Variants in EXOC4 observed in about 807,000 individuals in gnomAD.
EXOC4 encodes SEC8-like 1.
In EXOC4, 71 loss-of-function variants were observed where a neutral mutation model predicts 107.2. The observed-to-expected ratio is 0.66, with a 90% confidence interval of 0.55 to 0.81. The LOEUF is 0.81. Among genes scored for constraint, EXOC4 ranks in the 30% least tolerant of loss-of-function variants. EXOC4 has a pLI of 0.00. For synonymous variants in EXOC4, 456 were observed against 441.2 expected (o/e 1.03, Z -0.42); for missense variants, 1,108 against 1,189.6 (o/e 0.93, Z 1.01).
In EXOC4 at chr7:133,741,627, T is replaced by G. The variant is rs535222639; in HGVS notation, c.1515-75698T>G. Among the ~76,000 whole-genome samples, 12 of 152,326 alleles carry G rather than the reference T, an allele frequency of 7.9e-5. No individual in the cohort carries two copies. In the South Asian group the frequency reaches 2.5e-3, roughly 32 times the overall value. On this transcript the variant is annotated intron_variant, in intron 10 of 17. Coordinates refer to ENST00000253861, the MANE Select transcript of EXOC4 (RefSeq NM_021807.4). ...CCTGAACTTCTGAAACATTGAGTGC[T>G]CTAATTGAACTATGTGCACAGTACG...
At chr7:133,632,243 T>C (rs1379537572) in intron 10 of EXOC4, among the ~76,000 whole-genome samples, 2 of 152,176 alleles carry the variant, frequency 1.3e-5, no homozygotes, top group Non-Finnish European at 2.9e-5. Flanking sequence ...ATACTCCCAG[T>C]GGTTTTACTC....
intron 1 of EXOC4, among the ~76,000 whole-genome samples, chr7:133,267,214 AG>A (rs1793750122): frequency 6.6e-6 from 1 of 152,190 alleles, no homozygotes; most frequent in African/African-American, 2.4e-5. Flanking sequence ...ACTGGTTGAA[AG>A]GTTATCAGGC....
intron 3 of EXOC4, among the ~76,000 whole-genome samples, chr7:133,291,913 A>G (rs972568796): frequency 2.0e-5 from 3 of 150,584 alleles, no homozygotes; most frequent in Admixed American, 2.0e-4. Flanking sequence ...TCACATATGC[A>G]TGGATCTGTT....
chr7:133,739,497 T>TC (rs1216389477), intron 10 of EXOC4, among the ~76,000 whole-genome samples: 1 of 152,116 alleles, frequency 6.6e-6, no homozygotes, highest in Non-Finnish European at 1.5e-5. Flanking sequence ...GATGTGGATG[T>TC]CCTGTAGGAG....
chr7:133,591,107 C>G (rs1801531814), intron 9 of EXOC4, among the ~76,000 whole-genome samples: 1 of 152,178 alleles, frequency 6.6e-6, no homozygotes, highest in Non-Finnish European at 1.5e-5. Flanking sequence ...CTTCCGGAGT[C>G]CCACAAAAGG....
At chr7:133,501,179 T>G (rs1450089804) in intron 9 of EXOC4, among the ~76,000 whole-genome samples, 1 of 152,192 alleles carries the variant, frequency 6.6e-6, no homozygotes, top group Non-Finnish European at 1.5e-5. Flanking sequence ...TTCTGAAAGT[T>G]TGTAAGTTCT....
the EXOC4 span, among the ~76,000 whole-genome samples, chr7:134,073,227 A>AAAAAAAAAAAAAAAG: frequency 2.8e-4 from 5 of 18,114 alleles, 1 homozygote; most frequent in African/African-American, 1.4e-3. Context: ...AAAAAAAAAA[A>AAAAAAAAAAAAAAAG]AAAAACAACA....
intron 10 of EXOC4, among the ~76,000 whole-genome samples, chr7:133,815,360 G>A (rs1797342182): frequency 7.3e-6 from 1 of 137,636 alleles, no homozygotes; most frequent in African/African-American, 2.8e-5. Flanking sequence ...GGGTGACGGA[G>A]TAAGACTGCT....
intron 7 of EXOC4, among the ~76,000 whole-genome samples, chr7:133,394,571 G>C (rs916318333): frequency 6.6e-6 from 1 of 152,168 alleles, no homozygotes; most frequent in South Asian, 2.1e-4. Context: ...CAGTTATGAA[G>C]TGTTTTGTGG....
intron 7 of EXOC4, among the ~76,000 whole-genome samples, chr7:133,384,784 T>A (rs1796691207): frequency 6.7e-6 from 1 of 148,798 alleles, no homozygotes; most frequent in Admixed American, 6.8e-5. Context: ...TATGTCTGAA[T>A]CCTTGAGTAT....
At chr7:133,857,687 G>T (rs1270465599) in intron 11 of EXOC4, among the ~76,000 whole-genome samples, 2 of 151,844 alleles carry the variant, frequency 1.3e-5, no homozygotes, top group African/African-American at 4.8e-5. Flanking sequence ...CTCCGTGCAA[G>T]CCTACAGCTG....
chr7:133,981,874 T>C (rs547224150), intron 14 of EXOC4, among the ~76,000 whole-genome samples: 2 of 152,266 alleles, frequency 1.3e-5, no homozygotes, highest in South Asian at 2.1e-4. Flanking sequence ...CAATGGCAGA[T>C]TGGATAAAGA....
At chr7:133,670,475 C>A (rs1170739302) in intron 10 of EXOC4, among the ~76,000 whole-genome samples, 3 of 152,200 alleles carry the variant, frequency 2.0e-5, no homozygotes, top group African/African-American at 7.2e-5. Context: ...AGAGAAACAG[C>A]AGCAGTACAG....
At chr7:134,057,811 C>T (rs1399578699) in intron 17 of EXOC4, among the ~76,000 whole-genome samples, 2 of 152,124 alleles carry the variant, frequency 1.3e-5, no homozygotes, top group East Asian at 1.9e-4. Context: ...TCCAAAAATG[C>T]CAGTGCTTTT....
At position 133,630,130 on chromosome 7, in the gene EXOC4, C is replaced by T; in HGVS notation, c.1503C>T (p.His501=). Residue 501 remains histidine (H), a synonymous_variant, in exon 10 of 18, where the codon CAC becomes CAT. Coordinates refer to ENST00000253861, the MANE Select transcript of EXOC4 (RefSeq NM_021807.4). Reference sequence around the variant, plus strand: ...CCAGAAACATTACCGTCATATTCCACCCATTACTAAGGTAAGTCAAGTGCT... The same window carrying T: ...CCAGAAACATTACCGTCATATTCCATCCATTACTAAGGTAAGTCAAGTGCT... ...PGARNITVIF[H]PLLRFIQEIE... The T allele has an allele frequency of 6.2e-7, 1 of 1,612,380 alleles. No homozygotes were observed. The highest frequency in any genetic ancestry group is 1.1e-5 in the South Asian group (1 of 91,022).
intron 17 of EXOC4, 49 bp downstream of exon 17, chr7:134,007,884 G>A (rs746627800): frequency 1.1e-5 from 17 of 1,526,486 alleles, no homozygotes; most frequent in East Asian, 2.3e-5. Context: ...CTAAGACCTC[G>A]TTGCCTGTGA....
chr7:133,787,139 T>G (rs1330032297), intron 10 of EXOC4, among the ~76,000 whole-genome samples: 1 of 150,002 alleles, frequency 6.7e-6, no homozygotes, highest in Non-Finnish European at 1.5e-5. Flanking sequence ...GTACTTTTTT[T>G]TTCTTGTTTT....
intron 5 of EXOC4, among the ~76,000 whole-genome samples, chr7:133,332,311 G>A (rs928222647): frequency 6.6e-6 from 1 of 152,142 alleles, no homozygotes; most frequent in Non-Finnish European, 1.5e-5. Flanking sequence ...TCCATAAAGT[G>A]TTGCTCTGAG....
At chr7:133,306,542 G>A (rs912310049) in intron 4 of EXOC4, among the ~76,000 whole-genome samples, 2 of 151,940 alleles carry the variant, frequency 1.3e-5, no homozygotes, top group Non-Finnish European at 2.9e-5. Flanking sequence ...TACAAAAAAA[G>A]GGCCAAAATT....
Sources: allele counts gnomAD v4.1 joint callset (sites outside exome capture counted in the v4.1 genomes callset), GRCh38; gene constraint gnomAD v4.1.1; transcripts MANE v1.5; gene names NCBI Gene and HGNC (gene_info 2026-07-23, HGNC 2026-07-21).